Variants in ARHGEF28 observed in about 807,000 individuals in gnomAD.
ARHGEF28 encodes 190 kDa guanine nucleotide exchange factor.
In ARHGEF28, 152 loss-of-function variants were observed where a neutral mutation model predicts 206.6. The ratio of observed to expected loss-of-function variants is 0.74; its 90% CI spans 0.64 to 0.84. The LOEUF is 0.84. Ranked by LOEUF, ARHGEF28 falls within the 40% of genes least tolerant of loss-of-function variation. ARHGEF28 has a pLI of 0.00. For missense variants in ARHGEF28, 2,028 were observed against 2,073.2 expected, an observed-to-expected ratio of 0.98 and a Z score of 0.42; for synonymous variants, 763 against 776.4, an observed-to-expected ratio of 0.98 and a Z score of 0.29.
At chr5:73,931,001 A>G (rs1367590151) in intron 35 of ARHGEF28, among the ~76,000 whole-genome samples, 2 of 152,166 alleles carry the variant, frequency 1.3e-5, no homozygotes, top group South Asian at 2.1e-4. Context: ...ATTTGGTTGG[A>G]CATATCTCCA....
rs569225935 is a variant in ARHGEF28 at position 73,872,011 on chromosome 5, A to T, written c.2567-988A>T. ...ATTGATGGACATTTTGGGTTTTTCC[A>T]CTTTTGGGGTCATAGAGTAGTAGCT... On this transcript the variant is annotated intron_variant, in intron 21 of 35. Coordinates refer to ENST00000513042, the MANE Select transcript of ARHGEF28 (RefSeq NM_001177693.2). Among the ~76,000 whole-genome samples, 7 of 152,160 alleles carry T rather than the reference A, an allele frequency of 4.6e-5. No individual in the cohort carries two copies. The South Asian group carries it at 1.5e-3, about 32-fold the overall frequency.
chr5:73,927,058 T>C (rs1011274307), intron 35 of ARHGEF28, among the ~76,000 whole-genome samples: 2 of 152,128 alleles, frequency 1.3e-5, no homozygotes, highest in Non-Finnish European at 2.9e-5. Context: ...TGGTGGACAA[T>C]TGAAAGGCAG....
chr5:73,865,914 G>A, intron 17 of ARHGEF28, 51 bp from the exon 18 acceptor site: 4 of 1,295,906 alleles, frequency 3.1e-6, no homozygotes, highest in Non-Finnish European at 4.4e-6. Flanking sequence ...TATTCTTATA[G>A]TCTAATGATA....
intron 9 of ARHGEF28, among the ~76,000 whole-genome samples, chr5:73,826,725 C>T (rs1268612770): frequency 6.6e-6 from 1 of 152,148 alleles, no homozygotes; most frequent in Admixed American, 6.5e-5. Flanking sequence ...ACTGCCTCTC[C>T]CTCTCCCCCT....
intron 9 of ARHGEF28, among the ~76,000 whole-genome samples, chr5:73,824,143 C>A (rs1756756521): frequency 6.6e-6 from 1 of 152,176 alleles, no homozygotes; most frequent in Non-Finnish European, 1.5e-5. Context: ...TCTGCCTGAT[C>A]ATCCCATTAT....
rs779225207 is a variant in ARHGEF28, at chr5:73,832,351, T to A, written c.1038T>A (p.Asp346Glu). Reference sequence around the variant, plus strand: ...TTTGTACTCTAGATCGCTCCTTCGATATCCTAAAAAAATCCAAGCCGCCCT... The same window carrying A: ...TTTGTACTCTAGATCGCTCCTTCGAAATCCTAAAAAAATCCAAGCCGCCCT... Reference protein sequence around the residue: ...QHSLDLDRSFDILKKSKPPST... With the variant: ...QHSLDLDRSFEILKKSKPPST... The change falls in exon 10 of 36, where the codon GAT becomes GAA. Residue 346 changes from aspartate (D) to glutamate (E), a missense_variant. Physicochemically the swap from Asp to Glu is conservative, Grantham distance 45 (BLOSUM62 2). Around this residue, in one of 3 missense-constraint regions of ARHGEF28, gnomAD observed 1,002 missense variants for 1,015.3 expected, o/e 0.99. Coordinates refer to ENST00000513042, the MANE Select transcript of ARHGEF28 (RefSeq NM_001177693.2). The A allele has an allele frequency of 3.1e-6, 5 of 1,612,786 alleles. No homozygotes were observed. The highest frequency in any genetic ancestry group is 4.2e-6 in the Non-Finnish European group (5 of 1,179,358).
Position 73,885,996 on chromosome 5 carries a change from A to C in ARHGEF28, c.3202A>C (p.Lys1068Gln), listed in dbSNP as rs1297699257. ...LNKIENKTYT[K>Q]LKNGHVFRKQ... Reference sequence around the variant, plus strand: ...TAAGATTGAAAACAAAACATACACGAAGCTCAAAAATGGACATGTGTTTAG... The same window carrying C: ...TAAGATTGAAAACAAAACATACACGCAGCTCAAAAATGGACATGTGTTTAG... The change falls in exon 25 of 36, where the codon AAG becomes CAG. Residue 1068 changes from lysine to glutamine, a missense_variant. By Grantham distance (53) the Lys-to-Gln change is moderately conservative (BLOSUM62 1). Coordinates refer to ENST00000513042, the MANE Select transcript of ARHGEF28 (RefSeq NM_001177693.2). The C allele has an allele frequency of 6.2e-7, 1 of 1,613,926 alleles. No individual in the cohort carries two copies. Among genetic ancestry groups the C allele is most frequent in the East Asian group, 2.2e-5 (1 of 44,864 alleles).
At chr5:73,875,719 C>G (rs1275079223) in intron 22 of ARHGEF28, among the ~76,000 whole-genome samples, 4 of 150,294 alleles carry the variant, frequency 2.7e-5, no homozygotes, top group South Asian at 2.1e-4. Flanking sequence ...TGTCAAAGAT[C>G]AGATAGTTGT....
At chr5:73,742,255 C>T (rs1024043713) in intron 2 of ARHGEF28, among the ~76,000 whole-genome samples, 28 of 151,932 alleles carry the variant, frequency 1.8e-4, no homozygotes, top group African/African-American at 5.3e-4. Context: ...AAAAAAAATC[C>T]ATACTGGCAG....
At chr5:73,880,460 C>T (rs369392107) in intron 22 of ARHGEF28, among the ~76,000 whole-genome samples, 1 of 152,164 alleles carries the variant, frequency 6.6e-6, no homozygotes, top group Non-Finnish European at 1.5e-5. Flanking sequence ...GTCTGGCACT[C>T]CCTAGTGAGA....
chr5:73,752,598 A>G (rs1481951775), intron 3 of ARHGEF28, among the ~76,000 whole-genome samples: 1 of 152,226 alleles, frequency 6.6e-6, no homozygotes, highest in Admixed American at 6.5e-5. Context: ...TTCAGGGGTC[A>G]GGGTAGGAGT....
At chr5:73,729,642 T>G (rs780670962) in intron 2 of ARHGEF28, among the ~76,000 whole-genome samples, 4 of 152,232 alleles carry the variant, frequency 2.6e-5, no homozygotes, top group Non-Finnish European at 5.9e-5. Context: ...ATTTCTCAAG[T>G]TTATTTAGTC....
intron 1 of ARHGEF28, among the ~76,000 whole-genome samples, chr5:73,635,987 G>A (rs1743691564): frequency 6.6e-6 from 1 of 152,110 alleles, no homozygotes; most frequent in Admixed American, 6.5e-5. Context: ...CATGTATATT[G>A]TTTCTTCTCC....
intron 14 of ARHGEF28, among the ~76,000 whole-genome samples, chr5:73,854,551 C>T (rs1758896839): frequency 6.6e-6 from 1 of 152,168 alleles, no homozygotes; most frequent in African/African-American, 2.4e-5. Context: ...GCCCTTTAGG[C>T]CCGGTGCGGT....
chr5:73,757,555 G>A (rs948410834), intron 4 of ARHGEF28, among the ~76,000 whole-genome samples: 2 of 152,220 alleles, frequency 1.3e-5, no homozygotes, highest in African/African-American at 4.8e-5. Flanking sequence ...AGGAAGGACT[G>A]GGAATCTGGA....
intron 11 of ARHGEF28, among the ~76,000 whole-genome samples, chr5:73,843,077 G>A (rs1172876213): frequency 6.6e-6 from 1 of 151,812 alleles, no homozygotes; most frequent in Non-Finnish European, 1.5e-5. Flanking sequence ...TAGGAATATA[G>A]CATGGAAAAG....
intron 2 of ARHGEF28, among the ~76,000 whole-genome samples, chr5:73,732,562 T>A (rs1382258422): frequency 6.6e-6 from 1 of 152,194 alleles, no homozygotes; most frequent in Non-Finnish European, 1.5e-5. Flanking sequence ...TTTTGTATGA[T>A]GTAAGTTTTT....
chr5:73,773,473 A>T (rs145828135), intron 4 of ARHGEF28, among the ~76,000 whole-genome samples: 3 of 152,340 alleles, frequency 2.0e-5, no homozygotes, highest in Admixed American at 6.5e-5. Context: ...CTGCCTGAGC[A>T]GCAGGATCTC....
intron 9 of ARHGEF28, chr5:73,813,539 T>C: frequency 6.5e-7 from 1 of 1,532,352 alleles, no homozygotes; most frequent in African/African-American, 1.4e-5. Flanking sequence ...CGCCCCGAGT[T>C]CTTCCTGAGT....
Sources: gnomAD v4.1 joint callset for allele counts (sites outside exome capture counted in the v4.1 genomes callset) on GRCh38, gnomAD v4.1.1 for gene constraint, gnomAD v4.1.1 regional missense constraint, MANE v1.5 for transcripts, NCBI Gene and HGNC (gene_info 2026-07-23, HGNC 2026-07-21) for gene names.